FOXP2: variants seen among roughly 807,000 people sequenced by gnomAD.
The protein encoded by FOXP2 is forkhead box P2.
In FOXP2, 12 loss-of-function variants were observed where a neutral mutation model predicts 115.8. That is an observed-to-expected ratio of 0.10 (90% CI 0.07 to 0.17). The LOEUF is 0.17. Ranked by LOEUF, FOXP2 falls within the 10% of genes least tolerant of loss-of-function variation. FOXP2 has a pLI of 1.00. For synonymous variants in FOXP2, 328 were observed against 297.7 expected (o/e 1.10, Z -1.05); for missense variants, 629 against 843.5 (o/e 0.75, Z 3.15).
intron 3 of FOXP2, among the ~76,000 whole-genome samples, chr7:114,572,334 C>T (rs1801348282): frequency 6.6e-6 from 1 of 151,442 alleles, no homozygotes; most frequent in Admixed American, 6.6e-5. Flanking sequence ...TGGTTTGTGG[C>T]CTCATTCACT....
intron 2 of FOXP2, among the ~76,000 whole-genome samples, chr7:114,316,285 T>C (rs1797273520): frequency 6.6e-6 from 1 of 152,230 alleles, no homozygotes. Flanking sequence ...CATACATGTA[T>C]AATTATCGAA....
rs190425289 is a variant in FOXP2 at position 114,680,777 on chromosome 7, G to A, written c.2004-9005G>A. 1.9e-3 allele frequency among the ~76,000 whole-genome samples: 282 copies of A among 151,842 alleles called. 1 individual carries two copies. The highest frequency in any genetic ancestry group is 3.0e-3 in the Non-Finnish European group (202 of 67,926). ...AAAAAAAAAAGTTGAAGAAAGTAGT[G>A]CATAAATTTCAAAAGAAAGTAGTGC... On this transcript the variant is annotated intron_variant, in intron 16 of 16. Transcript: ENST00000350908.
At chr7:114,093,934 C>T (rs1799592824) in intron 1 of FOXP2, among the ~76,000 whole-genome samples, 1 of 151,998 alleles carries the variant, frequency 6.6e-6, no homozygotes, top group African/African-American at 2.4e-5. Flanking sequence ...TCATAACATT[C>T]ATCATTATAC....
chr7:114,559,958 A>G (rs6466490), intron 3 of FOXP2, among the ~76,000 whole-genome samples: 14,089 of 152,034 alleles, frequency 0.093, 704 homozygotes, highest in Middle Eastern at 0.16. Context: ...TGGATTTAAT[A>G]GGTTAATATG....
chr7:114,318,710 C>CATATATATATATATAT (rs144291161), intron 2 of FOXP2, among the ~76,000 whole-genome samples: 16 of 147,372 alleles, frequency 1.1e-4, no homozygotes, highest in African/African-American at 3.7e-4. Flanking sequence ...TTAGATAATT[C>CATATATATATATATAT]ATATATATAT....
At chr7:114,436,835 C>T (rs1794372958) in intron 2 of FOXP2, among the ~76,000 whole-genome samples, 1 of 151,960 alleles carries the variant, frequency 6.6e-6, no homozygotes, top group Admixed American at 6.6e-5. Context: ...TAGAAGTTAG[C>T]TAGATCAAAG....
chr7:114,271,948 TTTA>T (rs913397891), intron 1 of FOXP2, among the ~76,000 whole-genome samples: 5 of 132,602 alleles, frequency 3.8e-5, no homozygotes, highest in East Asian at 2.2e-4. Flanking sequence ...ATATATTGTA[TTTA>T]TTATTATATT....
intron 2 of FOXP2, among the ~76,000 whole-genome samples, chr7:114,338,123 T>G (rs2129183924): frequency 6.6e-6 from 1 of 151,266 alleles, no homozygotes; most frequent in East Asian, 1.9e-4. Flanking sequence ...TCACTTAAAA[T>G]ATAGTTTTAT....
At chr7:114,372,472 G>A (rs1792036737) in intron 2 of FOXP2, among the ~76,000 whole-genome samples, 1 of 152,202 alleles carries the variant, frequency 6.6e-6, no homozygotes, top group African/African-American at 2.4e-5. Flanking sequence ...GAACGGGGAA[G>A]AGGATGTGCA....
At position 114,473,232 on chromosome 7, in the gene FOXP2, T is replaced by C. The variant is rs943905522; in HGVS notation, c.168+46553T>C. On this transcript the variant is annotated intron_variant, in intron 2 of 16. Coordinates refer to ENST00000350908, the MANE Select transcript of FOXP2 (RefSeq NM_014491.4). ...CTCTGACTAGATGGACACTGATTTC[T>C]AAAAGTAAATACCCAATTCCTGTGT... 2.0e-5 allele frequency among the ~76,000 whole-genome samples: 3 copies of C among 152,176 alleles called. No individual in the cohort carries two copies. In the East Asian group the frequency reaches 5.8e-4, roughly 29 times the overall value.
intron 2 of FOXP2, among the ~76,000 whole-genome samples, chr7:114,525,138 A>G (rs1239466272): frequency 6.6e-6 from 1 of 152,190 alleles, no homozygotes. Flanking sequence ...TAAAATGTAC[A>G]TACCTTTTTA....
intron 2 of FOXP2, among the ~76,000 whole-genome samples, chr7:114,526,803 TTATG>T (rs1207108467): frequency 1.3e-5 from 2 of 152,148 alleles, no homozygotes; most frequent in Admixed American, 1.3e-4. Flanking sequence ...GAGATATAAT[TTATG>T]TATCACAAAA....
intron 1 of FOXP2, among the ~76,000 whole-genome samples, chr7:114,197,931 C>G (rs549557639): frequency 6.6e-6 from 1 of 151,260 alleles, no homozygotes; most frequent in South Asian, 2.1e-4. Context: ...GTGGCATGAT[C>G]TCAGCTCACT....
intron 2 of FOXP2, among the ~76,000 whole-genome samples, chr7:114,405,887 A>G (rs2129197613): frequency 6.6e-6 from 1 of 151,948 alleles, no homozygotes; most frequent in African/African-American, 2.4e-5. Context: ...CTTTTTAATC[A>G]TGTGATACCT....
intron 10 of FOXP2, 70 bp from the exon 11 acceptor site, chr7:114,657,996 T>C: frequency 6.4e-7 from 1 of 1,564,222 alleles, no homozygotes; most frequent in East Asian, 2.2e-5. Flanking sequence ...CCACTCTCAT[T>C]TGTCAAACCT....
At chr7:114,356,755 T>C (rs1023875543) in intron 2 of FOXP2, among the ~76,000 whole-genome samples, 1 of 152,182 alleles carries the variant, frequency 6.6e-6, no homozygotes, top group East Asian at 1.9e-4. Context: ...GAATGATAAT[T>C]ATTATTCAAA....
intron 1 of FOXP2, among the ~76,000 whole-genome samples, chr7:114,423,963 A>C (rs1432590641): frequency 6.6e-6 from 1 of 151,544 alleles, no homozygotes; most frequent in Non-Finnish European, 1.5e-5. Flanking sequence ...TAGAGCAAAA[A>C]GTACTATCAC....
chr7:114,643,268 AC>A lies in FOXP2; in HGVS notation c.989+646del, dbSNP rs533121586. On this transcript the variant is annotated intron_variant, in intron 7 of 16. Coordinates refer to ENST00000350908, the MANE Select transcript of FOXP2 (RefSeq NM_014491.4). Reference sequence around the variant, plus strand: ...GATATGATTAACCTGATTGCTGAGAACATTTTTTAAGCTAAAAATCAGTTCT... The same window carrying A: ...GATATGATTAACCTGATTGCTGAGAAATTTTTTAAGCTAAAAATCAGTTCT... 2.7e-3 allele frequency among the ~76,000 whole-genome samples: 412 copies of A among 152,238 alleles called. 1 individual carries two copies. Among genetic ancestry groups the A allele is most frequent in the African/African-American group, 9.6e-3 (399 of 41,550 alleles).
intron 1 of FOXP2, among the ~76,000 whole-genome samples, chr7:114,252,910 G>A (rs1232573839): frequency 6.6e-6 from 1 of 152,092 alleles, no homozygotes; most frequent in Non-Finnish European, 1.5e-5. Flanking sequence ...GATCTTTCCT[G>A]CTTTCTCTTG....
Sources: gnomAD v4.1 joint callset for allele counts (sites outside exome capture counted in the v4.1 genomes callset) on GRCh38, gnomAD v4.1.1 for gene constraint, MANE v1.5 for transcripts, NCBI Gene and HGNC (gene_info 2026-07-23, HGNC 2026-07-21) for gene names.